EXOC2: variants seen among roughly 807,000 people sequenced by gnomAD.
The protein encoded by EXOC2 is SEC5-like 1.
EXOC2 carries 70 observed loss-of-function variants against 131.8 expected under a neutral mutation model. The observed-to-expected ratio is 0.53, with a 90% CI of 0.44 to 0.65. The LOEUF (loss-of-function observed/expected upper bound fraction) is 0.65, where lower values mean the gene tolerates loss of function less well. EXOC2 is among the 30% of genes least tolerant of loss of function. EXOC2 has a pLI of 0.00. For synonymous variants in EXOC2, 411 were observed against 398.4 expected (o/e 1.03, Z -0.38); for missense variants, 923 against 1,108.6 (o/e 0.83, Z 2.38).
chr6:609,137 C>T (rs1260919979), intron 7 of EXOC2, among the ~76,000 whole-genome samples: 1 of 152,184 alleles, frequency 6.6e-6, no homozygotes, highest in East Asian at 1.9e-4. Flanking sequence ...CTAGAAAATG[C>T]TTTCTTTTAG....
chr6:546,591 C>T (rs758478120), intron 22 of EXOC2, among the ~76,000 whole-genome samples: 4 of 152,330 alleles, frequency 2.6e-5, no homozygotes, highest in Non-Finnish European at 5.9e-5. Context: ...GCAAGACCAA[C>T]CCCTCCTCTT....
intron 1 of EXOC2, among the ~76,000 whole-genome samples, chr6:644,613 TA>T (rs1455953876): frequency 1.3e-5 from 2 of 152,116 alleles, no homozygotes; most frequent in African/African-American, 4.8e-5. Flanking sequence ...AGAAATCTAC[TA>T]AGCAACTAAT....
intron 13 of EXOC2, among the ~76,000 whole-genome samples, chr6:569,179 G>A (rs1758137038): frequency 6.6e-6 from 1 of 151,906 alleles, no homozygotes; most frequent in Non-Finnish European, 1.5e-5. Flanking sequence ...TCAATTATTT[G>A]GCTGTTTTAA....
chr6:636,865 T>C (rs1032782720), intron 2 of EXOC2, among the ~76,000 whole-genome samples: 1 of 152,232 alleles, frequency 6.6e-6, no homozygotes, highest in Non-Finnish European at 1.5e-5. Context: ...CTGTCCCTAA[T>C]ACCCGTGTAT....
At chr6:615,209 G>A (rs2127672056) in intron 6 of EXOC2, among the ~76,000 whole-genome samples, 1 of 150,912 alleles carries the variant, frequency 6.6e-6, no homozygotes, top group African/African-American at 2.4e-5. Flanking sequence ...GTGTGTGTGT[G>A]TATGTATGTG....
intron 10 of EXOC2, among the ~76,000 whole-genome samples, chr6:592,826 G>A (rs1392900109): frequency 6.6e-6 from 1 of 152,078 alleles, no homozygotes; most frequent in Non-Finnish European, 1.5e-5. Context: ...AGCAGTTCAA[G>A]ACCAGCCTGG....
At chr6:615,368 T>C (rs1760942161) in intron 6 of EXOC2, among the ~76,000 whole-genome samples, 2 of 152,134 alleles carry the variant, frequency 1.3e-5, no homozygotes, top group African/African-American at 2.4e-5. Flanking sequence ...GCACTATCCA[T>C]GCCTAAAAGT....
intron 23 of EXOC2, among the ~76,000 whole-genome samples, chr6:511,209 T>G (rs1764827202): frequency 6.6e-6 from 1 of 152,230 alleles, no homozygotes; most frequent in South Asian, 2.1e-4. Flanking sequence ...CCGTGCCTGC[T>G]GCTGAGCGGG....
intron 22 of EXOC2, among the ~76,000 whole-genome samples, chr6:544,914 G>A (rs1353931663): frequency 6.6e-6 from 1 of 151,936 alleles, no homozygotes; most frequent in Non-Finnish European, 1.5e-5. Context: ...TTGGGAGGCC[G>A]AGGCGGGTGG....
intron 1 of EXOC2, chr6:656,508 A>T: frequency 6.2e-7 from 1 of 1,605,016 alleles, no homozygotes; most frequent in Non-Finnish European, 8.5e-7. Context: ...GCTGGGCGGC[A>T]GGCAGTCCCG....
intron 1 of EXOC2, chr6:669,047 G>T (rs1763742914): frequency 6.6e-6 from 1 of 152,220 alleles, no homozygotes; most frequent in South Asian, 2.1e-4. Flanking sequence ...ACCTCCAACT[G>T]GTATGTTTGC....
At position 571,205 on chromosome 6, in the gene EXOC2, G is replaced by T. The variant is rs114755351; in HGVS notation, c.1443+1315C>A. Reference sequence around the variant, plus strand: ...GTTCATACATAACTAACAAAGAAAAGAAAGTTGTGTATTGCTTTAATATTT... The same window carrying T: ...GTTCATACATAACTAACAAAGAAAATAAAGTTGTGTATTGCTTTAATATTT... On this transcript the variant is annotated intron_variant, in intron 13 of 27. Transcript: ENST00000230449. 2.3e-3 allele frequency among the ~76,000 whole-genome samples: 345 copies of T among 152,306 alleles called. 2 individuals are homozygous for T. Among genetic ancestry groups the T allele is most frequent in the African/African-American group, 8.0e-3 (333 of 41,574 alleles).
intron 23 of EXOC2, among the ~76,000 whole-genome samples, chr6:503,273 G>T (rs893093372): frequency 2.6e-5 from 4 of 151,924 alleles, no homozygotes; most frequent in African/African-American, 9.7e-5. Flanking sequence ...CCTACTACAT[G>T]GAGGATGCCA....
At chr6:603,377 G>A (rs17755831) in intron 7 of EXOC2, among the ~76,000 whole-genome samples, 6,736 of 151,828 alleles carry the variant, frequency 0.044, 348 homozygotes, top group South Asian at 0.2. Context: ...GATGCTATAC[G>A]GACAGGATCA....
chr6:688,124 T>A (rs1464312864), intron 1 of EXOC2, among the ~76,000 whole-genome samples: 2 of 152,230 alleles, frequency 1.3e-5, no homozygotes, highest in African/African-American at 4.8e-5. Flanking sequence ...CACTTACATC[T>A]CTTTCATTTA....
rs372893836 is a variant in EXOC2, at chr6:656,517, C to T, written c.-43-18656G>A. On this transcript the variant is annotated intron_variant, in intron 1 of 27. Transcript: ENST00000230449. Reference sequence around the variant, plus strand: ...GCGCAGGCTGGGCGGCAGGCAGTCCCGCCACACTCTCCTGGGAAGCACCCG... The same window carrying T: ...GCGCAGGCTGGGCGGCAGGCAGTCCTGCCACACTCTCCTGGGAAGCACCCG... 8 of 1,605,522 alleles carry T rather than the reference C, an allele frequency of 5.0e-6. No individual in the cohort carries two copies. Among genetic ancestry groups the T allele is most frequent in the Non-Finnish European group, 5.9e-6 (7 of 1,177,986 alleles).
chr6:667,960 T>C (rs1245100614), intron 1 of EXOC2, among the ~76,000 whole-genome samples: 1 of 152,180 alleles, frequency 6.6e-6, no homozygotes, highest in Non-Finnish European at 1.5e-5. Context: ...CCTAATACAC[T>C]GGGTTTTTTT....
chr6:607,771 C>T (rs1760497284), intron 7 of EXOC2, among the ~76,000 whole-genome samples: 1 of 152,142 alleles, frequency 6.6e-6, no homozygotes, highest in African/African-American at 2.4e-5. Context: ...AACTAATAGT[C>T]ATCATTGGCT....
intron 11 of EXOC2, among the ~76,000 whole-genome samples, chr6:587,569 CAT>C (rs1378240905): frequency 2.0e-5 from 3 of 152,222 alleles, no homozygotes; most frequent in South Asian, 2.1e-4. Flanking sequence ...TTAAAGTTAA[CAT>C]GTGTGCAATG....
Sources: allele counts gnomAD v4.1 joint callset (sites outside exome capture counted in the v4.1 genomes callset), GRCh38; gene constraint gnomAD v4.1.1; transcripts MANE v1.5; gene names NCBI Gene and HGNC (gene_info 2026-07-23, HGNC 2026-07-21).